The following DUOX1 variants were observed in gnomAD, a reference collection of about 807,000 sequenced individuals.
DUOX1 encodes the protein dual oxidase 1.
DUOX1 carries 134 observed loss-of-function variants against 181.8 expected under a neutral mutation model. The ratio of observed to expected loss-of-function variants is 0.74; its 90% confidence interval spans 0.64 to 0.85. The LOEUF (loss-of-function observed/expected upper bound fraction) is 0.85, where lower values mean the gene tolerates loss of function less well. Ranked by LOEUF, DUOX1 falls within the 40% of genes least tolerant of loss-of-function variation. The pLI, the probability that DUOX1 is intolerant of heterozygous loss-of-function variation, is 0.00. For synonymous variants in DUOX1, 798 were observed against 832.5 expected, an observed-to-expected ratio of 0.96 and a Z score of 0.71; for missense variants, 1,814 against 2,064.4, an observed-to-expected ratio of 0.88 and a Z score of 2.35.
chr15:45,135,724 G>A (rs1269071081), intron 6 of DUOX1, 49 bp downstream of exon 6: 2 of 1,437,756 alleles, frequency 1.4e-6, no homozygotes, highest in East Asian at 2.5e-5. Flanking sequence ...TGCGAGTGTG[G>A]GCTCCCCCGA....
Position 45,148,323 on chromosome 15 carries a change from G to C in DUOX1, c.2694G>C (p.Glu898Asp). Residue 898 changes from glutamate to aspartate, a missense_variant, in exon 21 of 34, where the codon GAG becomes GAC. Glu to Asp is a conservative substitution (Grantham distance 45). This residue lies in a region of DUOX1 where 1,064 missense variants were observed against 1,152.9 expected (regional missense o/e 0.92). Transcript: ENST00000389037. ...GCCTGTCCAAGGCCCAGCTGGCTGA[G>C]GTGGTGGAGTCCATGTTCCGGGAGT... ...NNCLSKAQLAEVVESMFRESG... is the reference protein window; with the variant it reads ...NNCLSKAQLADVVESMFRESG... The C allele has an allele frequency of 6.2e-7, 1 of 1,614,256 alleles. No individual in the cohort carries two copies. Among genetic ancestry groups the C allele is most frequent in the Non-Finnish European group, 8.5e-7 (1 of 1,180,050 alleles).
At chr15:45,162,853 A>AGCTCAAGTGCG (rs1897142139) in intron 31 of DUOX1, among the ~76,000 whole-genome samples, 2 of 152,184 alleles carry the variant, frequency 1.3e-5, no homozygotes, top group Non-Finnish European at 2.9e-5. Context: ...CCAGGAACAC[A>AGCTCAAGTGCG]GCTCAAACCC....
intron 29 of DUOX1, among the ~76,000 whole-genome samples, chr15:45,161,252 A>AC (rs1897092311): frequency 1.0e-5 from 1 of 99,552 alleles, no homozygotes. Context: ...TCTCTACCAC[A>AC]AAAAAAAAAT....
At position 45,144,217 on chromosome 15, in the gene DUOX1, C is replaced by T. The variant is rs745746713; in HGVS notation, c.2118C>T (p.Ile706=). Residue 706 remains isoleucine (I), a synonymous_variant, in exon 17 of 34, where the codon ATC becomes ATT. Transcript: ENST00000389037. ...GACGCCGCACTCTGCTGCTCAAGAT[C>T]CCCAAGGAGTATGACCTGGTATGGC... ...NRGRRTLLLK[I]PKEYDLVLLF... 6.2e-7 allele frequency: 1 copy of T among 1,614,076 alleles called. No individual in the cohort carries two copies. Among genetic ancestry groups the T allele is most frequent in the East Asian group, 2.2e-5 (1 of 44,888 alleles).
At chr15:45,155,215 C>A (rs939342032) in intron 27 of DUOX1, among the ~76,000 whole-genome samples, 1 of 152,200 alleles carries the variant, frequency 6.6e-6, no homozygotes, top group African/African-American at 2.4e-5. Context: ...GCCTGTTCCT[C>A]ATTCTTGAGA....
intron 28 of DUOX1, among the ~76,000 whole-genome samples, chr15:45,158,295 G>A (rs886257067): frequency 3.9e-5 from 6 of 152,190 alleles, no homozygotes; most frequent in African/African-American, 1.4e-4. Flanking sequence ...GGAAGAAAGA[G>A]CCAGTTCAAA....
chr15:45,141,437 A>G, intron 14 of DUOX1, 27 bp downstream of exon 14: 1 of 1,611,574 alleles, frequency 6.2e-7, no homozygotes, highest in Non-Finnish European at 8.5e-7. Flanking sequence ...TGGCTGGAGG[A>G]GTGGTGGGTC....
chr15:45,144,973 A>G lies in DUOX1; in HGVS notation c.2215A>G (p.Ser739Gly). The G allele has an allele frequency of 6.2e-7, 1 of 1,613,936 alleles. No homozygotes were observed. The highest frequency in any genetic ancestry group is 8.5e-7 in the Non-Finnish European group (1 of 1,179,958). Residue 739 changes from serine (S) to glycine (G), a missense_variant, in exon 18 of 34, where the codon AGC becomes GGC. This residue lies in a region of DUOX1 where 1,064 missense variants were observed against 1,152.9 expected (regional missense o/e 0.92). Transcript: ENST00000389037. ...GGGAGCTCTGAAGGAGAGCGGGTTG[A>G]GCATCCAGGAGTGGGAGCTGCGGGA... ...LRGALKESGL[S>G]IQEWELREQE...
At chr15:45,159,984 T>G (rs1287838683) in intron 28 of DUOX1, among the ~76,000 whole-genome samples, 1 of 152,148 alleles carries the variant, frequency 6.6e-6, no homozygotes, top group African/African-American at 2.4e-5. Context: ...AAACCCCATC[T>G]CTACTAAAAA....
At chr15:45,158,924 T>C (rs1897031210) in intron 28 of DUOX1, among the ~76,000 whole-genome samples, 1 of 151,926 alleles carries the variant, frequency 6.6e-6, no homozygotes, top group South Asian at 2.1e-4. Context: ...AAACAGTAAG[T>C]TATAGGAGTT....
chr15:45,161,590 TG>T, intron 29 of DUOX1, 147 bp from the exon 30 acceptor site: 1 of 708,202 alleles, frequency 1.4e-6, no homozygotes, highest in Non-Finnish European at 2.4e-6. Context: ...CAGTGCTGCC[TG>T]GGCCCCCACA....
chr15:45,155,895 T>G lies in DUOX1; in HGVS notation c.3668T>G (p.Leu1223Arg). 2.5e-6 allele frequency: 4 copies of G among 1,614,216 alleles called. No homozygotes were observed. The highest frequency in any genetic ancestry group is 3.4e-6 in the Non-Finnish European group (4 of 1,180,040). The change falls in exon 28 of 34, where the codon CTG (leucine) becomes CGG (arginine). Residue 1223 changes from leucine (L) to arginine (R), a missense_variant. Transcript: ENST00000389037. ...FRRRSFRGFW[L>R]THHLYILLYV... The stretch of plus-strand genomic sequence containing the variant: ...CGCCGCAGTTTCCGGGGCTTCTGGC[T>G]GACCCACCACCTCTACATCCTGCTC...
intron 16 of DUOX1, among the ~76,000 whole-genome samples, chr15:45,143,689 G>A (rs1440147925): frequency 1.3e-5 from 2 of 151,882 alleles, no homozygotes; most frequent in Non-Finnish European, 2.9e-5. Context: ...GGGCTATTGG[G>A]CCTTAGGCAG....
At chr15:45,140,339 A>G (rs1038334956) in intron 12 of DUOX1, 1 of 236,252 alleles carries the variant, frequency 4.2e-6, no homozygotes, top group Admixed American at 4.8e-5. Flanking sequence ...ATAGATAGGA[A>G]CCACCAGGCA....
In DUOX1 at chr15:45,151,220, CA is replaced by C; in HGVS notation, c.2987del (p.Gln996ArgfsTer11). On this transcript the variant is annotated frameshift_variant, in exon 23 of 34. Transcript: ENST00000389037. LOFTEE classifies it high-confidence loss of function. Reference protein sequence around the residue: ...LQCPMDTDPPQEIRRRFGKKV... With the variant: ...LQCPMDTDPPXEIRRRFGKKV... Reference sequence around the variant, plus strand: ...GTGCCCCATGGACACAGACCCTCCCCAGGAGATTCGGCGGAGGTTTGGCAAG... The same window carrying C: ...GTGCCCCATGGACACAGACCCTCCCCGGAGATTCGGCGGAGGTTTGGCAAG... 6.2e-7 allele frequency: 1 copy of C among 1,614,142 alleles called. No homozygotes were observed. Among genetic ancestry groups the C allele is most frequent in the Non-Finnish European group, 8.5e-7 (1 of 1,179,996 alleles).
At position 45,137,966 on chromosome 15, in the gene DUOX1, A is replaced by T. The variant is rs755467959; in HGVS notation, c.1065A>T (p.Ser355=). 6.2e-7 allele frequency: 1 copy of T among 1,610,716 alleles called. No homozygotes were observed. The highest frequency in any genetic ancestry group is 2.2e-5 in the East Asian group (1 of 44,706). ...CHFQGVINRN[S]SVSRALRVCN... ...TCCAGGGGGTCATCAATCGGAACTCAAGTGTCTCCAGAGCTCTCCGGGTCT... is the reference window on the plus strand; with the variant it reads ...TCCAGGGGGTCATCAATCGGAACTCTAGTGTCTCCAGAGCTCTCCGGGTCT... The change falls in exon 10 of 34, where the codon TCA becomes TCT. Residue 355 remains serine, a synonymous_variant. Transcript: ENST00000389037.
intron 28 of DUOX1, 30 bp from the exon 29 acceptor site, chr15:45,160,807 G>T (rs765371010): frequency 6.3e-6 from 10 of 1,580,540 alleles, no homozygotes; most frequent in Non-Finnish European, 3.4e-6. Context: ...GGCATCGCTA[G>T]GTCTGAGCAG....
chr15:45,153,260 A>G (rs1465923971), intron 25 of DUOX1, 120 bp from the exon 26 acceptor site: 3 of 610,132 alleles, frequency 4.9e-6, no homozygotes, highest in African/African-American at 3.9e-5. Context: ...TCAGAAGTCG[A>G]GACTCCTAAG....
chr15:45,156,957 C>T (rs1595594436), intron 28 of DUOX1, among the ~76,000 whole-genome samples: 1 of 152,218 alleles, frequency 6.6e-6, no homozygotes, highest in African/African-American at 2.4e-5. Flanking sequence ...AAAGGGTACT[C>T]TGAGGGCCTC....
Sources: gnomAD v4.1 joint callset for allele counts (sites outside exome capture counted in the v4.1 genomes callset) on GRCh38, gnomAD v4.1.1 for gene constraint, gnomAD v4.1.1 regional missense constraint, MANE v1.5 for transcripts, NCBI Gene and HGNC (gene_info 2026-07-23, HGNC 2026-07-21) for gene names.